Variants in LRRC69 observed in about 807,000 individuals in gnomAD.
LRRC69 encodes leucine-rich repeat-containing protein 69.
A neutral mutation model predicts 37.8 loss-of-function variants in LRRC69; 42 were observed. That is an observed-to-expected ratio of 1.11 (90% CI 0.87 to 1.44). The LOEUF is 1.44. Ranked by LOEUF, LRRC69 falls within the 40% of genes most tolerant of loss-of-function variation. The pLI is 0.00. For missense variants in LRRC69, 357 were observed against 401.9 expected, an observed-to-expected ratio of 0.89 and a Z score of 0.96; for synonymous variants, 141 against 143.1, an observed-to-expected ratio of 0.99 and a Z score of 0.11.
chr8:91,108,887 A>G (rs961568760), intron 1 of LRRC69, among the ~76,000 whole-genome samples: 1 of 151,924 alleles, frequency 6.6e-6, no homozygotes, highest in Admixed American at 6.6e-5. Flanking sequence ...GAAAGGAATG[A>G]CCATGAGCAG....
At chr8:91,188,102 C>T (rs766335815) in intron 5 of LRRC69, among the ~76,000 whole-genome samples, 1 of 152,090 alleles carries the variant, frequency 6.6e-6, no homozygotes, top group Non-Finnish European at 1.5e-5. Flanking sequence ...CTAGGTTGTA[C>T]CCATGAGATT....
chr8:91,198,121 CTT>C (rs1809650072), intron 6 of LRRC69, among the ~76,000 whole-genome samples: 1 of 152,118 alleles, frequency 6.6e-6, no homozygotes, highest in African/African-American at 2.4e-5. Flanking sequence ...ATTTTAGAAA[CTT>C]TACCTCACCT....
intron 7 of LRRC69, among the ~76,000 whole-genome samples, chr8:91,201,282 C>T (rs1462381148): frequency 5.9e-5 from 9 of 152,222 alleles, no homozygotes; most frequent in African/African-American, 1.2e-4. Flanking sequence ...GCCCATAAGG[C>T]GTGTTCTAGA....
At chr8:91,207,954 C>T (rs1809834846) in intron 7 of LRRC69, among the ~76,000 whole-genome samples, 2 of 152,172 alleles carry the variant, frequency 1.3e-5, no homozygotes, top group Admixed American at 1.3e-4. Context: ...GAGGGGTTGG[C>T]TTCTCCTGCA....
intron 5 of LRRC69, among the ~76,000 whole-genome samples, chr8:91,172,842 G>T (rs1340381058): frequency 2.0e-5 from 3 of 151,966 alleles, no homozygotes; most frequent in Non-Finnish European, 4.4e-5. Flanking sequence ...AGCCTGAATG[G>T]TGTTGGCATT....
chr8:91,191,142 A>G (rs1365304212), intron 6 of LRRC69, among the ~76,000 whole-genome samples: 1 of 151,366 alleles, frequency 6.6e-6, no homozygotes, highest in Non-Finnish European at 1.5e-5. Context: ...TATCCCTAAA[A>G]ATGTAACTGC....
intron 7 of LRRC69, among the ~76,000 whole-genome samples, chr8:91,216,129 C>T (rs1014479680): frequency 1.3e-5 from 2 of 152,052 alleles, no homozygotes; most frequent in African/African-American, 2.4e-5. Context: ...GAATAATCAC[C>T]TTCAAAGTTT....
intron 5 of LRRC69, chr8:91,158,114 C>T: frequency 6.4e-7 from 1 of 1,557,558 alleles, no homozygotes; most frequent in Non-Finnish European, 8.8e-7. Flanking sequence ...TACATTTATT[C>T]CAGCATTACC....
chr8:91,106,379 T>C (rs1813311960), intron 1 of LRRC69, among the ~76,000 whole-genome samples: 1 of 152,022 alleles, frequency 6.6e-6, no homozygotes, highest in Non-Finnish European at 1.5e-5. Flanking sequence ...GAATGCAAAG[T>C]ATTAACATAG....
intron 5 of LRRC69, among the ~76,000 whole-genome samples, chr8:91,164,155 G>GT (rs964092725): frequency 3.3e-5 from 5 of 151,512 alleles, no homozygotes; most frequent in East Asian, 3.9e-4. Flanking sequence ...GCTTTCTCTT[G>GT]TTTTTTCTCC....
intron 1 of LRRC69, among the ~76,000 whole-genome samples, chr8:91,106,824 G>T (rs1813321789): frequency 6.6e-6 from 1 of 151,656 alleles, no homozygotes; most frequent in Admixed American, 6.6e-5. Context: ...GACAGGTCCT[G>T]CTCTGTCACC....
intron 5 of LRRC69, among the ~76,000 whole-genome samples, chr8:91,150,007 A>T (rs1160290735): frequency 2.0e-5 from 3 of 151,916 alleles, no homozygotes; most frequent in Non-Finnish European, 4.4e-5. Context: ...GGTTTTCTAG[A>T]TATATAATCA....
rs192117585 is a variant in LRRC69, at chr8:91,187,467, A to G, written c.652-2055A>G. On this transcript the variant is annotated intron_variant, in intron 5 of 7. Coordinates refer to ENST00000448384, the Ensembl canonical transcript of LRRC69. ...TGCTCATTCTTTTACTTTCTGACAT[A>G]CTTATGTTGCAGACTCTTTATGTTG... 9.1e-4 allele frequency among the ~76,000 whole-genome samples: 139 copies of G among 152,290 alleles called. 2 individuals are homozygous for G. The highest frequency in any genetic ancestry group is 3.2e-3 in the African/African-American group (134 of 41,552).
At chr8:91,157,404 T>C (rs760827165) in intron 5 of LRRC69, 1 of 1,607,972 alleles carries the variant, frequency 6.2e-7, no homozygotes. Flanking sequence ...TGTATTATTC[T>C]GCTGTGGATC....
chr8:91,210,777 A>G (rs1024632782), intron 7 of LRRC69, among the ~76,000 whole-genome samples: 5 of 152,148 alleles, frequency 3.3e-5, no homozygotes, highest in Non-Finnish European at 5.9e-5. Context: ...TGGATTAAAA[A>G]CATAATGGTT....
chr8:91,200,508 A>C, intron 6 of LRRC69, 105 bp from the exon 7 acceptor site: 1 of 688,160 alleles, frequency 1.5e-6, no homozygotes. Context: ...ATTTAACAGA[A>C]TCTAGATAAT....
chr8:91,174,217 G>A (rs1178710722), intron 5 of LRRC69, among the ~76,000 whole-genome samples: 1 of 151,990 alleles, frequency 6.6e-6, no homozygotes, highest in Non-Finnish European at 1.5e-5. Flanking sequence ...CCTTTCCCCA[G>A]CCTGTAAGTC....
intron 7 of LRRC69, among the ~76,000 whole-genome samples, chr8:91,217,383 A>G (rs966931543): frequency 2.6e-5 from 4 of 152,146 alleles, no homozygotes; most frequent in Non-Finnish European, 5.9e-5. Context: ...TTTATTTATT[A>G]TCTCTGCATT....
At chr8:91,112,063 G>C (rs1243188624) in intron 1 of LRRC69, among the ~76,000 whole-genome samples, 5 of 151,918 alleles carry the variant, frequency 3.3e-5, no homozygotes, top group Non-Finnish European at 7.4e-5. Context: ...GGAGAACCAA[G>C]ATATTGTTAG....
Sources: gnomAD v4.1 joint callset for allele counts (sites outside exome capture counted in the v4.1 genomes callset) on GRCh38, gnomAD v4.1.1 for gene constraint, MANE v1.5 for transcripts, NCBI Gene and HGNC (gene_info 2026-07-23, HGNC 2026-07-21) for gene names.